DLG5: variants seen among roughly 807,000 people sequenced by gnomAD.
DLG5 encodes disks large homolog 5.
Under a neutral mutation model 189.8 loss-of-function variants are expected in DLG5, and 48 were observed. That is an observed-to-expected ratio of 0.25 (90% CI 0.20 to 0.32). The LOEUF (loss-of-function observed/expected upper bound fraction) is 0.32. DLG5 is among the 10% of genes least tolerant of loss of function. DLG5 has a pLI of 1.00. For missense variants in DLG5, 2,160 were observed against 2,544.7 expected, an observed-to-expected ratio of 0.85 and a Z score of 3.25; for synonymous variants, 1,016 against 1,054.1, an observed-to-expected ratio of 0.96 and a Z score of 0.70.
chr10:77,870,795 C>T (rs913487206), intron 1 of DLG5, among the ~76,000 whole-genome samples: 1 of 149,558 alleles, frequency 6.7e-6, no homozygotes, highest in Non-Finnish European at 1.5e-5. Context: ...AATGGGGGAG[C>T]GGGGCAGGGG....
Position 77,854,388 on chromosome 10 carries a change from T to C in DLG5, c.537-18A>G. ...GGTAGGGCCTGGCCCAGAGAGCGAA[T>C]GGCCCCATGAACACAGGCCCCAGGA... On this transcript the variant is annotated intron_variant, in intron 3 of 31. Transcript: ENST00000372391. 1 of 1,613,334 alleles carries C rather than the reference T, an allele frequency of 6.2e-7. No homozygotes were observed. The highest frequency in any genetic ancestry group is 8.5e-7 in the Non-Finnish European group (1 of 1,179,866).
chr10:77,853,557 C>T lies in DLG5; in HGVS notation c.681-20G>A. 6.4e-7 allele frequency: 1 copy of T among 1,550,840 alleles called. No homozygotes were observed. Among genetic ancestry groups the T allele is most frequent in the African/African-American group, 1.3e-5 (1 of 74,246 alleles). On this transcript the variant is annotated intron_variant, in intron 4 of 31. Transcript: ENST00000372391. Reference sequence around the variant, plus strand: ...AGTGTGCTGAAACACCCGGTACATGCTCAGTGAGCCCCAGCCAGCCCCTCA... The same window carrying T: ...AGTGTGCTGAAACACCCGGTACATGTTCAGTGAGCCCCAGCCAGCCCCTCA...
the DLG5 span, among the ~76,000 whole-genome samples, chr10:77,934,527 G>C: frequency 5.9e-5 from 9 of 152,206 alleles, no homozygotes; most frequent in Non-Finnish European, 1.2e-4. Flanking sequence ...AGGGAAGTCA[G>C]AGAGATTCCA....
intron 20 of DLG5, among the ~76,000 whole-genome samples, chr10:77,814,241 G>A (rs1272005759): frequency 1.3e-5 from 2 of 151,964 alleles, no homozygotes; most frequent in African/African-American, 2.4e-5. Flanking sequence ...GCCACCCAAA[G>A]TGCTGGGATT....
At chr10:77,872,627 G>A (rs893542362) in intron 1 of DLG5, among the ~76,000 whole-genome samples, 24 of 152,272 alleles carry the variant, frequency 1.6e-4, no homozygotes, top group African/African-American at 4.6e-4. Context: ...ACATTGTCTC[G>A]GTCATGCTTT....
chr10:77,889,684 G>A (rs1845550235), intron 1 of DLG5, among the ~76,000 whole-genome samples: 1 of 152,150 alleles, frequency 6.6e-6, no homozygotes, highest in African/African-American at 2.4e-5. Flanking sequence ...GGTTAGGCAG[G>A]GTCACAGGCT....
At chr10:77,807,012 A>C in intron 25 of DLG5, 84 bp from the exon 26 acceptor site, 1 of 1,490,142 alleles carries the variant, frequency 6.7e-7, no homozygotes. Context: ...CAGGCCCCTA[A>C]GGCTGCCATT....
At position 77,794,634 on chromosome 10, in the gene DLG5, C is replaced by T. The variant is rs531888463; in HGVS notation, c.5546+215G>A. 1.1e-3 allele frequency among the ~76,000 whole-genome samples: 171 copies of T among 152,324 alleles called. 1 individual carries two copies. The highest frequency in any genetic ancestry group is 2.7e-3 in the South Asian group (13 of 4,832). ...TGGCAGCACCCAAATGGCGGAGGGG[C>T]GCGAGGAAGGGGCTGCGCTTGGCTG... On this transcript the variant is annotated intron_variant, in intron 30 of 31. Transcript: ENST00000372391.
chr10:77,830,445 C>A (rs1842845253), intron 10 of DLG5, 101 bp from the exon 11 acceptor site: 1 of 1,536,078 alleles, frequency 6.5e-7, no homozygotes, highest in African/African-American at 1.4e-5. Context: ...GGGGACTGTC[C>A]CTTCACCTCA....
At chr10:77,806,717 G>T in intron 26 of DLG5, 41 bp downstream of exon 26, 2 of 1,371,162 alleles carry the variant, frequency 1.5e-6, no homozygotes, top group South Asian at 1.2e-5. Flanking sequence ...GGCCCTCGGC[G>T]ACCCCTGCCC....
intron 1 of DLG5, among the ~76,000 whole-genome samples, chr10:77,874,299 G>GT (rs1845017107): frequency 6.6e-6 from 1 of 152,256 alleles, no homozygotes; most frequent in Non-Finnish European, 1.5e-5. Flanking sequence ...GTGCTGTTAG[G>GT]TAAGTCACTC....
chr10:77,829,067 C>A, intron 12 of DLG5, 82 bp from the exon 13 acceptor site: 1 of 1,444,086 alleles, frequency 6.9e-7, no homozygotes, highest in Non-Finnish European at 9.6e-7. Context: ...TTGTTACCAT[C>A]TTCTTACAAA....
chr10:77,903,226 G>A (rs543958069), intron 1 of DLG5, among the ~76,000 whole-genome samples: 3 of 152,108 alleles, frequency 2.0e-5, no homozygotes, highest in Non-Finnish European at 2.9e-5. Flanking sequence ...TCAGGAGTTC[G>A]AGGCCAGCCT....
intron 1 of DLG5, among the ~76,000 whole-genome samples, chr10:77,877,956 T>G (rs1845156789): frequency 6.6e-6 from 1 of 152,170 alleles, no homozygotes. Flanking sequence ...CAAGCCTCCA[T>G]TATGCTCCAG....
chr10:77,860,230 T>C (rs1310486467), intron 2 of DLG5, among the ~76,000 whole-genome samples: 1 of 152,186 alleles, frequency 6.6e-6, no homozygotes, highest in African/African-American at 2.4e-5. Flanking sequence ...CCCTCATGCC[T>C]CGGTGCCTCC....
chr10:77,881,296 G>A (rs1184419528), intron 1 of DLG5, among the ~76,000 whole-genome samples: 2 of 151,998 alleles, frequency 1.3e-5, no homozygotes, highest in Non-Finnish European at 1.5e-5. Flanking sequence ...GGCATCCCTC[G>A]CCCAGTGTCA....
At chr10:77,868,005 A>AG in intron 2 of DLG5, 1 of 456,728 alleles carries the variant, frequency 2.2e-6, no homozygotes, top group Admixed American at 2.3e-5. Flanking sequence ...CGGCAAACCA[A>AG]GGAGCACCAA....
At position 77,819,967 on chromosome 10, in the gene DLG5, A is replaced by T. The variant is rs770354125; in HGVS notation, c.3454T>A (p.Trp1152Arg). Residue 1152 changes from tryptophan (W) to arginine (R), a missense_variant, in exon 16 of 32, where the codon TGG becomes AGG. Trp to Arg is a moderately radical substitution (Grantham distance 101). This residue lies in a region of DLG5 where 754 missense variants were observed against 746.5 expected (regional missense o/e 1.01). Coordinates refer to ENST00000372391, the MANE Select transcript of DLG5 (RefSeq NM_004747.4). ...SGELSPELQE[W>R]APYSPGHSSR... ...GAATGCCCAGGCGAGTAAGGTGCCCACTCCTGGAGCTCCGGGGAGAGTTCT... is the reference window on the plus strand; with the variant it reads ...GAATGCCCAGGCGAGTAAGGTGCCCTCTCCTGGAGCTCCGGGGAGAGTTCT... 3.7e-6 allele frequency: 6 copies of T among 1,612,106 alleles called. No individual in the cohort carries two copies. The highest frequency in any genetic ancestry group is 5.1e-6 in the Non-Finnish European group (6 of 1,179,322).
intron 26 of DLG5, 166 bp from the exon 27 acceptor site, chr10:77,806,027 G>C: frequency 1.6e-6 from 1 of 636,960 alleles, no homozygotes; most frequent in Non-Finnish European, 2.6e-6. Context: ...GGGAACCCTC[G>C]GTACATGCTG....
Sources: allele counts gnomAD v4.1 joint callset (sites outside exome capture counted in the v4.1 genomes callset), GRCh38; gene constraint gnomAD v4.1.1; regional missense constraint gnomAD v4.1.1; transcripts MANE v1.5; gene names NCBI Gene and HGNC (gene_info 2026-07-23, HGNC 2026-07-21).